AOPEP: variants seen among roughly 807,000 people sequenced by gnomAD.
The protein encoded by AOPEP is aminopeptidase O.
AOPEP carries 77 observed loss-of-function variants against 98.1 expected under a neutral mutation model. The ratio of observed to expected loss-of-function variants is 0.78; its 90% confidence interval spans 0.65 to 0.95. The LOEUF (loss-of-function observed/expected upper bound fraction) is 0.95, where lower values mean the gene tolerates loss of function less well. AOPEP is among the 40% of genes least tolerant of loss of function. The probability of loss-of-function intolerance (pLI) is 0.00; values close to 1 mark genes in which losing one functional copy is unlikely to be tolerated. For synonymous variants in AOPEP, 346 were observed against 365.3 expected (o/e 0.95, Z 0.60); for missense variants, 1,024 against 1,024.7 (o/e 1.00, Z 0.01).
intron 5 of AOPEP, among the ~76,000 whole-genome samples, chr9:94,828,723 T>A (rs1041254477): frequency 6.6e-6 from 1 of 151,924 alleles, no homozygotes; most frequent in Non-Finnish European, 1.5e-5. Context: ...ATTATACACA[T>A]ATACACACAC....
intron 13 of AOPEP, among the ~76,000 whole-genome samples, chr9:95,013,729 T>G (rs970225635): frequency 6.6e-6 from 1 of 152,218 alleles, no homozygotes; most frequent in Non-Finnish European, 1.5e-5. Context: ...TTGTGCTGTT[T>G]ATACCTGAAG....
chr9:95,067,321 G>A (rs1372698052), intron 14 of AOPEP, among the ~76,000 whole-genome samples: 1 of 152,236 alleles, frequency 6.6e-6, no homozygotes, highest in Admixed American at 6.5e-5. Context: ...GTGGATGGCA[G>A]GGTATGATAT....
At chr9:94,995,470 T>A (rs1310209644) in intron 11 of AOPEP, among the ~76,000 whole-genome samples, 1 of 152,132 alleles carries the variant, frequency 6.6e-6, no homozygotes, top group African/African-American at 2.4e-5. Flanking sequence ...GAGTGCCTAG[T>A]CTAAATTCCC....
chr9:94,840,981 T>G (rs1433147135), intron 5 of AOPEP, among the ~76,000 whole-genome samples: 1 of 152,138 alleles, frequency 6.6e-6, no homozygotes, highest in Non-Finnish European at 1.5e-5. Flanking sequence ...TTGCTTACAG[T>G]TTAATAGATT....
At chr9:94,906,953 GT>G (rs1179462745) in intron 5 of AOPEP, among the ~76,000 whole-genome samples, 2 of 152,148 alleles carry the variant, frequency 1.3e-5, no homozygotes, top group Non-Finnish European at 2.9e-5. Flanking sequence ...TTCCCCCCAT[GT>G]GTACATCCAG....
At chr9:94,801,526 G>A (rs1216148267) in intron 5 of AOPEP, among the ~76,000 whole-genome samples, 3 of 152,330 alleles carry the variant, frequency 2.0e-5, no homozygotes, top group South Asian at 2.1e-4. Flanking sequence ...TATCCCTACT[G>A]CTAGAAAAAC....
intron 11 of AOPEP, among the ~76,000 whole-genome samples, chr9:94,989,075 A>G (rs1286450959): frequency 6.6e-6 from 1 of 150,832 alleles, no homozygotes; most frequent in Non-Finnish European, 1.5e-5. Context: ...ACGACACCAC[A>G]CTCAGCTAAT....
intron 10 of AOPEP, among the ~76,000 whole-genome samples, chr9:94,970,523 CT>C (rs2059470441): frequency 6.6e-6 from 1 of 151,742 alleles, no homozygotes; most frequent in Admixed American, 6.6e-5. Flanking sequence ...ATGTTCATTC[CT>C]TTTGATGCTG....
chr9:94,740,682 T>C (rs1398435669), intron 1 of AOPEP, among the ~76,000 whole-genome samples: 2 of 152,076 alleles, frequency 1.3e-5, no homozygotes, highest in Non-Finnish European at 2.9e-5. Flanking sequence ...TTCAGCATAG[T>C]ATAATGGGAG....
At chr9:94,926,723 A>G (rs2054399226) in intron 6 of AOPEP, among the ~76,000 whole-genome samples, 1 of 148,592 alleles carries the variant, frequency 6.7e-6, no homozygotes, top group South Asian at 2.2e-4. Context: ...ATACAGGGTG[A>G]CAGGGGTCAC....
rs2060089069 is a variant in AOPEP, at chr9:94,980,076, C to T, written c.1977+649C>T. ...CTATGGGCAACTCTAAGGGAGAAAC[C>T]TTTTCCTGGCCAGCCCTAGCTCTGT... On this transcript the variant is annotated intron_variant, in intron 11 of 16. Transcript: ENST00000375315. This position sits in a 1 kb window ranked among gnomAD's most constrained non-coding sequence, Gnocchi z 4.3. Among the ~76,000 whole-genome samples the T allele has an allele frequency of 1.3e-5, 2 of 152,342 alleles. No individual in the cohort carries two copies. The highest frequency in any genetic ancestry group is 2.1e-4 in the South Asian group (1 of 4,832).
At position 94,876,292 on chromosome 9, in the gene AOPEP, A is replaced by G. The variant is rs74546172; in HGVS notation, c.1365-47694A>G. Reference sequence around the variant, plus strand: ...AAACCTTGGAAAACCCAAGCTTGCCATCCACCATTGAGGATGCCTGCAGAC... The same window carrying G: ...AAACCTTGGAAAACCCAAGCTTGCCGTCCACCATTGAGGATGCCTGCAGAC... On this transcript the variant is annotated intron_variant, in intron 5 of 16. Coordinates refer to ENST00000375315, the MANE Select transcript of AOPEP (RefSeq NM_001193329.3). Among the ~76,000 whole-genome samples, 576 of 152,288 alleles carry G rather than the reference A, an allele frequency of 3.8e-3. 1 individual carries two copies. Among genetic ancestry groups the G allele is most frequent in the African/African-American group, 0.013 (555 of 41,552 alleles).
At chr9:95,099,641 C>A in the AOPEP span, 1 of 231,512 alleles carries the variant, frequency 4.3e-6, no homozygotes, top group South Asian at 1.8e-4. Flanking sequence ...GGGCAAAGGG[C>A]CACATGAAGC....
chr9:94,728,386 T>C (rs750526279), intron 1 of AOPEP, among the ~76,000 whole-genome samples: 32 of 152,198 alleles, frequency 2.1e-4, no homozygotes, highest in Non-Finnish European at 3.5e-4. Flanking sequence ...AATACTTCTT[T>C]AGAAATGAAA....
chr9:95,098,749 C>T, the AOPEP span, among the ~76,000 whole-genome samples: 1 of 152,204 alleles, frequency 6.6e-6, no homozygotes, highest in Admixed American at 6.5e-5. Flanking sequence ...AGGGAAGAGA[C>T]AGAACAATTC....
intron 11 of AOPEP, among the ~76,000 whole-genome samples, chr9:94,991,032 G>T (rs1469608751): frequency 1.3e-5 from 2 of 152,178 alleles, no homozygotes; most frequent in African/African-American, 4.8e-5. Flanking sequence ...GCATACACAA[G>T]CATGACCCCT....
intron 5 of AOPEP, among the ~76,000 whole-genome samples, chr9:94,852,274 A>T (rs2043647590): frequency 6.6e-6 from 1 of 152,138 alleles, no homozygotes; most frequent in African/African-American, 2.4e-5. Context: ...GTACTTTGAA[A>T]TTTTTTTAAA....
chr9:94,728,243 A>ACG (rs1564021412), intron 1 of AOPEP, among the ~76,000 whole-genome samples: 2 of 139,654 alleles, frequency 1.4e-5, no homozygotes, highest in Non-Finnish European at 3.1e-5. Context: ...GCGCATGCAC[A>ACG]CACACACACA....
chr9:94,964,939 C>T (rs1453688669), intron 9 of AOPEP, among the ~76,000 whole-genome samples: 2 of 151,946 alleles, frequency 1.3e-5, no homozygotes, highest in Admixed American at 1.3e-4. Flanking sequence ...ACACCCGGCC[C>T]CTACAAGGAC....
Sources: gnomAD v4.1 joint callset for allele counts (sites outside exome capture counted in the v4.1 genomes callset) on GRCh38, gnomAD v4.1.1 for gene constraint, Gnocchi (gnomAD v3.1) non-coding constraint, MANE v1.5 for transcripts, NCBI Gene and HGNC (gene_info 2026-07-23, HGNC 2026-07-21) for gene names.